Variants in KIF13B observed in about 807,000 individuals in gnomAD.
KIF13B encodes kinesin-like protein KIF13B.
KIF13B carries 127 observed loss-of-function variants against 222.0 expected under a neutral mutation model. The ratio of observed to expected loss-of-function variants is 0.57; its 90% CI spans 0.50 to 0.66. The LOEUF (loss-of-function observed/expected upper bound fraction) is 0.66, where lower values mean the gene tolerates loss of function less well. Ranked by LOEUF, KIF13B falls within the 30% of genes least tolerant of loss-of-function variation. KIF13B has a pLI of 0.00. For synonymous variants in KIF13B, 976 were observed against 919.0 expected (o/e 1.06, Z -1.12); for missense variants, 2,173 against 2,379.0 (o/e 0.91, Z 1.80).
intron 2 of KIF13B, among the ~76,000 whole-genome samples, chr8:29,201,737 C>T (rs148125456): frequency 0.012 from 1,754 of 152,294 alleles, 14 homozygotes; most frequent in Non-Finnish European, 0.019. Context: ...ATGTATACAT[C>T]ACAAAGAGCT....
intron 2 of KIF13B, among the ~76,000 whole-genome samples, chr8:29,232,213 G>T (rs972556546): frequency 4.6e-5 from 7 of 151,884 alleles, no homozygotes; most frequent in Non-Finnish European, 7.4e-5. Flanking sequence ...AGCCATGATT[G>T]CACTACTACA....
chr8:29,205,809 G>A (rs115024297), intron 2 of KIF13B, among the ~76,000 whole-genome samples: 5 of 151,992 alleles, frequency 3.3e-5, no homozygotes, highest in African/African-American at 9.7e-5. Context: ...GAGGCCAGGC[G>A]TGGTGGCTCA....
chr8:29,109,247 T>C (rs1205688549), intron 34 of KIF13B, among the ~76,000 whole-genome samples, 187 bp downstream of exon 34: 1 of 152,126 alleles, frequency 6.6e-6, no homozygotes, highest in Non-Finnish European at 1.5e-5. Flanking sequence ...ACTTCCCCTA[T>C]AATATTAGTA....
intron 2 of KIF13B, among the ~76,000 whole-genome samples, chr8:29,203,094 T>C (rs1485825532): frequency 1.3e-5 from 2 of 152,222 alleles, no homozygotes; most frequent in Non-Finnish European, 2.9e-5. Flanking sequence ...AACTTTTACA[T>C]GTCATCTCGG....
rs567236709 is a variant in KIF13B, at chr8:29,082,337, C to G, written c.4459-6994G>C. On this transcript the variant is annotated intron_variant, in intron 37 of 39. Coordinates refer to ENST00000524189, the MANE Select transcript of KIF13B (RefSeq NM_015254.4). ...ATTATAGTCTAACTTATTCTAAGTA[C>G]TATATAAATAAAATCTTAAATACTA... 1.3e-5 allele frequency among the ~76,000 whole-genome samples: 2 copies of G among 152,212 alleles called. 1 individual carries two copies. Among genetic ancestry groups the G allele is most frequent in the South Asian group, 4.1e-4 (2 of 4,822 alleles).
intron 26 of KIF13B, among the ~76,000 whole-genome samples, chr8:29,124,620 A>C (rs1219667651): frequency 6.6e-6 from 1 of 152,136 alleles, no homozygotes; most frequent in East Asian, 1.9e-4. Flanking sequence ...GCAGTGGCTC[A>C]CATCTGTAAT....
intron 10 of KIF13B, among the ~76,000 whole-genome samples, chr8:29,175,032 C>T (rs538772736): frequency 5.9e-5 from 9 of 152,120 alleles, no homozygotes; most frequent in East Asian, 5.8e-4. Flanking sequence ...CCTAATGCAA[C>T]GCATGCCAGG....
chr8:29,233,910 G>A lies in KIF13B; in HGVS notation c.149+11436C>T, dbSNP rs149938537. On this transcript the variant is annotated intron_variant, in intron 2 of 39. Coordinates refer to ENST00000524189, the MANE Select transcript of KIF13B (RefSeq NM_015254.4). ...CATTTAAAAACAAGAGTCATTATAT[G>A]TTAATATAAACATTTTTAAAGAAAA... Among the ~76,000 whole-genome samples the A allele has an allele frequency of 2.8e-3, 426 of 152,266 alleles. 1 individual carries two copies. The highest frequency in any genetic ancestry group is 9.7e-3 in the African/African-American group (403 of 41,540).
chr8:29,122,177 C>T (rs927588558), intron 29 of KIF13B, among the ~76,000 whole-genome samples: 2 of 152,006 alleles, frequency 1.3e-5, no homozygotes, highest in East Asian at 1.9e-4. Context: ...CCGCTTGAAC[C>T]GGGGAGGTGG....
At chr8:29,104,349 C>T (rs1349418818) in intron 35 of KIF13B, among the ~76,000 whole-genome samples, 1 of 152,138 alleles carries the variant, frequency 6.6e-6, no homozygotes, top group Admixed American at 6.6e-5. Context: ...CTCACTCCAG[C>T]CCGTCACATA....
intron 2 of KIF13B, among the ~76,000 whole-genome samples, chr8:29,209,885 C>CAAAAAAAAA (rs11414197): frequency 1.9e-5 from 2 of 107,510 alleles, no homozygotes; most frequent in Non-Finnish European, 3.5e-5. Flanking sequence ...TACCTCTCCA[C>CAAAAAAAAA]AAAAAAAAAA....
intron 13 of KIF13B, among the ~76,000 whole-genome samples, chr8:29,159,339 G>A (rs1167317607): frequency 6.6e-6 from 1 of 151,998 alleles, no homozygotes; most frequent in Non-Finnish European, 1.5e-5. Context: ...TAGTAGAGAC[G>A]GAGTTTCATC....
intron 37 of KIF13B, among the ~76,000 whole-genome samples, chr8:29,085,849 CAAAAAAA>C (rs752162185): frequency 3.3e-3 from 224 of 67,362 alleles, no homozygotes; most frequent in African/African-American, 9.3e-3. Flanking sequence ...GAGCCCGTAA[CAAAAAAA>C]AAAAAAAAAA....
At chr8:29,173,040 G>A (rs111444354) in intron 10 of KIF13B, among the ~76,000 whole-genome samples, 3,081 of 151,438 alleles carry the variant, frequency 0.02, 112 homozygotes, top group African/African-American at 0.071. Context: ...TCAATCTCCC[G>A]AGTAGCTGGG....
chr8:29,187,673 TTC>T (rs1484898523), intron 5 of KIF13B, among the ~76,000 whole-genome samples: 1 of 152,240 alleles, frequency 6.6e-6, no homozygotes, highest in African/African-American at 2.4e-5. Flanking sequence ...GTATAATTCC[TTC>T]TGTTTTTAGT....
intron 8 of KIF13B, among the ~76,000 whole-genome samples, chr8:29,178,763 G>A (rs559103360): frequency 6.6e-6 from 1 of 151,882 alleles, no homozygotes; most frequent in Non-Finnish European, 1.5e-5. Context: ...GGTAAAAGGA[G>A]AAAAATATGC....
intron 37 of KIF13B, among the ~76,000 whole-genome samples, chr8:29,081,670 A>G (rs1807816638): frequency 6.6e-6 from 1 of 152,244 alleles, no homozygotes; most frequent in African/African-American, 2.4e-5. Context: ...AACAAATGTT[A>G]TTAAAATTAA....
intron 3 of KIF13B, among the ~76,000 whole-genome samples, chr8:29,191,302 C>T (rs1236544628): frequency 6.6e-6 from 1 of 152,198 alleles, no homozygotes; most frequent in Non-Finnish European, 1.5e-5. Context: ...CATGCACCTA[C>T]AGTCACACAC....
At chr8:29,184,830 C>T (rs938185334) in intron 6 of KIF13B, among the ~76,000 whole-genome samples, 3 of 151,678 alleles carry the variant, frequency 2.0e-5, no homozygotes, top group African/African-American at 7.3e-5. Flanking sequence ...ATGATCTTTG[C>T]GAGGTCAAAG....
Sources: allele counts gnomAD v4.1 joint callset (sites outside exome capture counted in the v4.1 genomes callset), GRCh38; gene constraint gnomAD v4.1.1; transcripts MANE v1.5; gene names NCBI Gene and HGNC (gene_info 2026-07-23, HGNC 2026-07-21).